Variants in ST6GALNAC3 observed in about 807,000 individuals in gnomAD.
ST6GALNAC3 encodes ST6 N-acetylgalactosaminide alpha-2,6-sialyltransferase 3.
In ST6GALNAC3, 25 loss-of-function variants were observed where a neutral mutation model predicts 32.7. The ratio of observed to expected loss-of-function variants is 0.76; its 90% CI spans 0.56 to 1.07. ST6GALNAC3 has a LOEUF of 1.07. ST6GALNAC3 is among the 50% of genes least tolerant of loss of function. The pLI, the probability that ST6GALNAC3 is intolerant of heterozygous loss-of-function variation, is 0.00. For missense variants in ST6GALNAC3, 355 were observed against 382.4 expected (o/e 0.93, Z 0.60); for synonymous variants, 129 against 133.1 (o/e 0.97, Z 0.21).
intron 2 of ST6GALNAC3, among the ~76,000 whole-genome samples, chr1:76,389,530 T>C (rs1192787467): frequency 1.3e-5 from 2 of 152,204 alleles, no homozygotes; most frequent in African/African-American, 4.8e-5. Flanking sequence ...TTCATTACTT[T>C]TATGGGTTGA....
At chr1:76,406,327 A>T (rs1653830908) in intron 2 of ST6GALNAC3, among the ~76,000 whole-genome samples, 1 of 152,046 alleles carries the variant, frequency 6.6e-6, no homozygotes, top group Non-Finnish European at 1.5e-5. Flanking sequence ...CCAGTTTAGA[A>T]AATAATATCA....
At chr1:76,404,520 C>T (rs1479989328) in intron 2 of ST6GALNAC3, among the ~76,000 whole-genome samples, 1 of 151,964 alleles carries the variant, frequency 6.6e-6, no homozygotes, top group Non-Finnish European at 1.5e-5. Context: ...TCTTTTGTAC[C>T]TTTCACTTAA....
At position 76,242,405 on chromosome 1, in the gene ST6GALNAC3, G is replaced by C. The variant is rs151310366; in HGVS notation, c.19-71400G>C. On this transcript the variant is annotated intron_variant, in intron 1 of 4. Transcript: ENST00000328299. ...GTCTGTAACAGAGCTGGGAGCAAGT[G>C]TTAGGGTGATGTTGCCAGATACCTT... is the stretch of plus-strand genomic sequence containing the variant. 1.1e-4 allele frequency among the ~76,000 whole-genome samples: 17 copies of C among 152,054 alleles called. No individual in the cohort carries two copies. The East Asian group carries it at 2.5e-3, about 22-fold the overall frequency.
At position 76,328,765 on chromosome 1, in the gene ST6GALNAC3, A is replaced by C. The variant is rs992116070; in HGVS notation, c.213+14766A>C. Among the ~76,000 whole-genome samples, 3 of 152,182 alleles carry C rather than the reference A, an allele frequency of 2.0e-5. No homozygotes were observed. The East Asian group carries it at 5.8e-4, about 29-fold the overall frequency. On this transcript the variant is annotated intron_variant, in intron 2 of 4. Transcript: ENST00000328299. ...TGGAAATTGACATCGTTTGTCAGAAATATACTGAGGATAAAAATGAGGTAA... is the reference window on the plus strand; with the variant it reads ...TGGAAATTGACATCGTTTGTCAGAACTATACTGAGGATAAAAATGAGGTAA...
chr1:76,248,858 G>A (rs182545077), intron 1 of ST6GALNAC3, among the ~76,000 whole-genome samples: 65 of 152,122 alleles, frequency 4.3e-4, no homozygotes, highest in African/African-American at 1.5e-3. Context: ...ACATTAGGAA[G>A]ACTGAGAAAC....
intron 2 of ST6GALNAC3, among the ~76,000 whole-genome samples, chr1:76,411,385 A>T (rs1026428536): frequency 6.6e-5 from 10 of 152,172 alleles, no homozygotes; most frequent in Admixed American, 4.6e-4. Context: ...GCCTTTCCTT[A>T]TCCATCTAGG....
chr1:76,607,196 G>C (rs1647614019), intron 3 of ST6GALNAC3, among the ~76,000 whole-genome samples: 1 of 152,150 alleles, frequency 6.6e-6, no homozygotes, highest in African/African-American at 2.4e-5. Flanking sequence ...GAGATCCAAG[G>C]GCAAAGGATG....
chr1:76,359,428 G>A (rs765258178), intron 2 of ST6GALNAC3, among the ~76,000 whole-genome samples: 10 of 152,106 alleles, frequency 6.6e-5, no homozygotes, highest in Non-Finnish European at 1.0e-4. Flanking sequence ...ATATCATGCG[G>A]AAAGATAGAA....
chr1:76,316,316 A>C (rs1364270033), intron 2 of ST6GALNAC3, among the ~76,000 whole-genome samples: 4 of 152,146 alleles, frequency 2.6e-5, no homozygotes, highest in Non-Finnish European at 5.9e-5. Context: ...GAACCCGTGC[A>C]CTGGAAGGCA....
At chr1:76,406,457 A>C (rs1199076554) in intron 2 of ST6GALNAC3, among the ~76,000 whole-genome samples, 1 of 152,070 alleles carries the variant, frequency 6.6e-6, no homozygotes, top group African/African-American at 2.4e-5. Context: ...GTGAAGGACC[A>C]TTTAAAAGCT....
chr1:76,420,589 C>T (rs116750416), intron 3 of ST6GALNAC3, among the ~76,000 whole-genome samples: 2,097 of 152,142 alleles, frequency 0.014, 20 homozygotes, highest in Non-Finnish European at 0.022. Context: ...TATTTTCACT[C>T]TCTGTCTTTC....
chr1:76,240,869 G>A (rs775622284), intron 1 of ST6GALNAC3, among the ~76,000 whole-genome samples: 3 of 152,126 alleles, frequency 2.0e-5, no homozygotes, highest in South Asian at 4.1e-4. Context: ...GACTGAGATC[G>A]CTGGAAAAAC....
In ST6GALNAC3 at chr1:76,491,495, C is replaced by G. The variant is rs75527035; in HGVS notation, c.623+79078C>G. Among the ~76,000 whole-genome samples, 150 of 152,288 alleles carry G rather than the reference C, an allele frequency of 9.8e-4. 2 individuals are homozygous for G. In the East Asian group the frequency reaches 0.028, roughly 28 times the overall value. On this transcript the variant is annotated intron_variant, in intron 3 of 4. Coordinates refer to ENST00000328299, the MANE Select transcript of ST6GALNAC3 (RefSeq NM_152996.4). ...GGTGTTCACCCCTGGCTTCCACATG[C>G]TGAGTTTTCAGTCTCCCATCTCAAA...
intron 1 of ST6GALNAC3, among the ~76,000 whole-genome samples, chr1:76,214,664 TTG>T (rs991587900): frequency 2.0e-5 from 3 of 152,226 alleles, no homozygotes; most frequent in Non-Finnish European, 4.4e-5. Flanking sequence ...TTTGCAGTTC[TTG>T]CACACAGTAG....
chr1:76,131,956 A>G (rs897691376), intron 1 of ST6GALNAC3, among the ~76,000 whole-genome samples: 1 of 152,146 alleles, frequency 6.6e-6, no homozygotes, highest in Non-Finnish European at 1.5e-5. Flanking sequence ...TTGCTGCCGA[A>G]ATGGTCTTGC....
At chr1:76,341,614 T>TTTCTTTCTTTCC (rs1647989075) in intron 2 of ST6GALNAC3, among the ~76,000 whole-genome samples, 4 of 95,886 alleles carry the variant, frequency 4.2e-5, no homozygotes, top group Admixed American at 4.1e-4. Flanking sequence ...CTTTTCTTTC[T>TTTCTTTCTTTCC]TTCTTTCTTT....
In ST6GALNAC3 at chr1:76,634,342, T is replaced by C. The variant is rs1312426586; in HGVS notation, c.*5536T>C. 5.4e-6 allele frequency: 1 copy of C among 185,174 alleles called. No homozygotes were observed. The highest frequency in any genetic ancestry group is 1.0e-5 in the Non-Finnish European group (1 of 98,336). 11.5% of individuals were successfully genotyped at this position (185,174 alleles called of 1,614,324 possible). ...CCTAATCTACAAAGTACTAATTTCC[T>C]TGTGTTTAGCTTTGTTGTCACTGTT... On this transcript the variant is annotated 3_prime_UTR_variant, in exon 5 of 5. Transcript: ENST00000328299.
intron 3 of ST6GALNAC3, among the ~76,000 whole-genome samples, chr1:76,526,066 T>C (rs908239953): frequency 1.3e-5 from 2 of 151,738 alleles, no homozygotes; most frequent in Non-Finnish European, 2.9e-5. Context: ...TTACATTGTC[T>C]TCTGAATTCA....
At chr1:76,485,657 T>A (rs927007219) in intron 3 of ST6GALNAC3, among the ~76,000 whole-genome samples, 7 of 152,206 alleles carry the variant, frequency 4.6e-5, no homozygotes, top group African/African-American at 1.7e-4. Flanking sequence ...ATTTTGTTGA[T>A]CCTTTCAAAA....
Sources: gnomAD v4.1 joint callset for allele counts (sites outside exome capture counted in the v4.1 genomes callset) on GRCh38, gnomAD v4.1.1 for gene constraint, MANE v1.5 for transcripts, NCBI Gene and HGNC (gene_info 2026-07-23, HGNC 2026-07-21) for gene names.